The following LRRC2 variants were observed in gnomAD, a reference collection of about 807,000 sequenced individuals.
The protein encoded by LRRC2 is leucine-rich repeat-containing protein 2.
In LRRC2, 27 loss-of-function variants were observed where a neutral mutation model predicts 40.2. The observed-to-expected ratio is 0.67, with a 90% CI of 0.49 to 0.93. The LOEUF (loss-of-function observed/expected upper bound fraction) is 0.93. Among genes scored for constraint, LRRC2 ranks in the 40% least tolerant of loss-of-function variants. The pLI is 0.00. For missense variants in LRRC2, 402 were observed against 439.6 expected (o/e 0.91, Z 0.76); for synonymous variants, 147 against 158.9 (o/e 0.92, Z 0.56).
intron 1 of LRRC2, among the ~76,000 whole-genome samples, chr3:46,564,664 G>A (rs1447455239): frequency 1.3e-5 from 2 of 152,130 alleles, no homozygotes; most frequent in African/African-American, 2.4e-5. Flanking sequence ...GATGGAGCAG[G>A]AGAGGAGGAC....
chr3:46,544,245 G>A lies in LRRC2; in HGVS notation c.333+801C>T, dbSNP rs371298355. Reference sequence around the variant, plus strand: ...TAGGAAAAAAATACAAAGCCCGGGCGTGGTGGCTCTTGCCTGTAATCCCAG... The same window carrying A: ...TAGGAAAAAAATACAAAGCCCGGGCATGGTGGCTCTTGCCTGTAATCCCAG... On this transcript the variant is annotated intron_variant, in intron 3 of 8. Transcript: ENST00000395905. Among the ~76,000 whole-genome samples the A allele has an allele frequency of 6.1e-4, 93 of 152,248 alleles. 1 individual carries two copies. The highest frequency in any genetic ancestry group is 1.4e-3 in the African/African-American group (57 of 41,546).
chr3:46,535,873 A>G (rs1021401512), intron 4 of LRRC2, among the ~76,000 whole-genome samples: 1 of 152,174 alleles, frequency 6.6e-6, no homozygotes, highest in African/African-American at 2.4e-5. Flanking sequence ...AATGCTTTCT[A>G]TGTATTATCT....
In LRRC2 at chr3:46,551,575, A is replaced by G. The variant is rs1222221282; in HGVS notation, c.17T>C (p.Val6Ala). 10 of 1,613,472 alleles carry G rather than the reference A, an allele frequency of 6.2e-6. No homozygotes were observed. Among genetic ancestry groups the G allele is most frequent in the Non-Finnish European group, 8.5e-6 (10 of 1,179,848 alleles). Reference protein sequence around the residue: MGHKVVVFDISVIRAL... With the variant: MGHKVAVFDISVIRAL... ...TCTGATGACAGAAATGTCGAAGACA[A>G]CCACTTTATGTCCCATTTTGGGAGC... is the stretch of plus-strand genomic sequence containing the variant. Residue 6 changes from valine to alanine, a missense_variant, in exon 2 of 9, where the codon GTT becomes GCT. Transcript: ENST00000395905.
intron 1 of LRRC2, chr3:46,557,929 G>T (rs1704846362): frequency 6.6e-6 from 1 of 152,258 alleles, no homozygotes; most frequent in Non-Finnish European, 1.5e-5. Flanking sequence ...TGACCCTCAG[G>T]GGCACAGGCA....
chr3:46,545,298 C>A, intron 2 of LRRC2, 45 bp from the exon 3 acceptor site: 2 of 1,559,532 alleles, frequency 1.3e-6, no homozygotes, highest in African/African-American at 1.3e-5. Context: ...TGGGGACTGG[C>A]CATCACCTGC....
At chr3:46,533,772 C>CTTT (rs1168107211) in intron 4 of LRRC2, among the ~76,000 whole-genome samples, 1 of 64,638 alleles carries the variant, frequency 1.5e-5, no homozygotes, top group African/African-American at 5.4e-5. Flanking sequence ...CTCCCTCCCT[C>CTTT]TCTTTTCTTT....
At chr3:46,522,803 A>G (rs902964616) in intron 7 of LRRC2, among the ~76,000 whole-genome samples, 1 of 132,498 alleles carries the variant, frequency 7.5e-6, no homozygotes, top group African/African-American at 2.6e-5. Context: ...ACACACACAC[A>G]CACACAAGCT....
chr3:46,524,338 G>A (rs1262575153), intron 7 of LRRC2, among the ~76,000 whole-genome samples: 1 of 152,178 alleles, frequency 6.6e-6, no homozygotes, highest in Admixed American at 6.5e-5. Context: ...AAAATCTCAG[G>A]CTTTTGGTCT....
chr3:46,546,933 G>A (rs1174143650), intron 2 of LRRC2, among the ~76,000 whole-genome samples: 1 of 151,854 alleles, frequency 6.6e-6, no homozygotes, highest in Non-Finnish European at 1.5e-5. Context: ...TGAGATGAAG[G>A]AAAACTCATA....
intron 1 of LRRC2, among the ~76,000 whole-genome samples, chr3:46,552,803 T>C (rs1704692167): frequency 6.6e-6 from 1 of 152,116 alleles, no homozygotes; most frequent in Non-Finnish European, 1.5e-5. Context: ...TCCTCTGAGG[T>C]TTCCCTGCAG....
intron 2 of LRRC2, among the ~76,000 whole-genome samples, chr3:46,547,958 C>T (rs1290482574): frequency 1.3e-5 from 2 of 152,166 alleles, no homozygotes; most frequent in Non-Finnish European, 2.9e-5. Flanking sequence ...AGGTCAAAGA[C>T]ATGCTGCTAG....
At chr3:46,532,720 A>G in intron 5 of LRRC2, 53 bp downstream of exon 5, 1 of 1,569,438 alleles carries the variant, frequency 6.4e-7, no homozygotes, top group Non-Finnish European at 8.7e-7. Context: ...AGACCATTCT[A>G]TGTCATAAAC....
At chr3:46,549,353 T>C (rs765577812) in intron 2 of LRRC2, among the ~76,000 whole-genome samples, 25 of 152,202 alleles carry the variant, frequency 1.6e-4, no homozygotes, top group Non-Finnish European at 3.1e-4. Flanking sequence ...AATTATATTA[T>C]GGAAGCTCAA....
intron 1 of LRRC2, chr3:46,559,679 T>C (rs1410091002): frequency 6.6e-6 from 1 of 152,234 alleles, no homozygotes; most frequent in Non-Finnish European, 1.5e-5. Context: ...AAATATTTGA[T>C]CATGTCAACA....
At chr3:46,523,671 C>T (rs1329319350) in intron 7 of LRRC2, among the ~76,000 whole-genome samples, 2 of 152,096 alleles carry the variant, frequency 1.3e-5, no homozygotes, top group Admixed American at 1.3e-4. Flanking sequence ...ATCTGCCCAA[C>T]TATCCACCCA....
intron 7 of LRRC2, 33 bp downstream of exon 7, chr3:46,527,393 G>C (rs759317760): frequency 2.5e-6 from 4 of 1,612,598 alleles, no homozygotes; most frequent in Non-Finnish European, 3.4e-6. Context: ...ACCTGTGTCT[G>C]AGTGTGTCTA....
Position 46,551,588 on chromosome 3 carries a change from C to A in LRRC2, c.4G>T (p.Gly2Ter). ...ATGTCGAAGACAACCACTTTATGTC[C>A]CATTTTGGGAGCATGAAATTACCTA... is the stretch of plus-strand genomic sequence containing the variant. M[G>*]HKVVVFDISV... is the part of the protein sequence containing the mutation. Residue 2 changes from glycine to a stop codon, truncating the protein, a stop_gained, in exon 2 of 9, where the codon GGA (glycine) becomes TGA (stop). Transcript: ENST00000395905. LOFTEE classifies it high-confidence loss of function. 1 of 1,607,560 alleles carries A rather than the reference C, an allele frequency of 6.2e-7. No homozygotes were observed. Among genetic ancestry groups the A allele is most frequent in the East Asian group, 2.2e-5 (1 of 44,790 alleles).
chr3:46,532,482 G>A (rs561874958), intron 5 of LRRC2, among the ~76,000 whole-genome samples: 3 of 152,202 alleles, frequency 2.0e-5, no homozygotes, highest in African/African-American at 7.2e-5. Flanking sequence ...GTGTGCACCT[G>A]CAGAACCAGC....
At chr3:46,538,510 T>G (rs1265284690) in intron 4 of LRRC2, among the ~76,000 whole-genome samples, 2 of 151,604 alleles carry the variant, frequency 1.3e-5, no homozygotes, top group African/African-American at 4.8e-5. Flanking sequence ...GGCACGTGAC[T>G]GTAACCCTAG....
Sources: allele counts gnomAD v4.1 joint callset (sites outside exome capture counted in the v4.1 genomes callset), GRCh38; gene constraint gnomAD v4.1.1; transcripts MANE v1.5; gene names NCBI Gene and HGNC (gene_info 2026-07-23, HGNC 2026-07-21).